HAP1: variants seen among roughly 807,000 people sequenced by gnomAD.
The protein encoded by HAP1 is huntingtin associated protein 1.
In HAP1, 59 loss-of-function variants were observed where a neutral mutation model predicts 60.3. That is an observed-to-expected ratio of 0.98 (90% confidence interval 0.79 to 1.22). The LOEUF (loss-of-function observed/expected upper bound fraction) is 1.22, where lower values mean the gene tolerates loss of function less well. HAP1 is among the 50% of genes most tolerant of loss of function. HAP1 has a pLI of 0.00. For synonymous variants in HAP1, 346 were observed against 330.6 expected, an observed-to-expected ratio of 1.05 and a Z score of -0.50; for missense variants, 825 against 785.3, an observed-to-expected ratio of 1.05 and a Z score of -0.60.
Position 41,727,774 on chromosome 17 carries a change from C to T in HAP1, c.1263G>A (p.Gln421=), listed in dbSNP as rs568942976. 151 of 1,610,008 alleles carry T rather than the reference C, an allele frequency of 9.4e-5. 2 individuals carry two copies. The East Asian group carries it at 3.3e-3, about 35-fold the overall frequency. The part of the protein sequence containing the change: ...QLASEKEIQM[Q]LQEEETLPGF... ...CAGCGAGACTCACCTCTTCCTGGAG[C>T]TGCATCTGGATTTCCTTCTCCGAAG... is the stretch of plus-strand genomic sequence containing the variant. The change falls in exon 8 of 11, where the codon CAG becomes CAA. Residue 421 remains glutamine (Q), a synonymous_variant. Coordinates refer to ENST00000347901, the MANE Select transcript of HAP1 (RefSeq NM_177977.3).
At chr17:41,730,459 G>A (rs1018811487) in intron 6 of HAP1, 1 of 152,208 alleles carries the variant, frequency 6.6e-6, no homozygotes, top group Non-Finnish European at 1.5e-5. Flanking sequence ...TCCTGGTAGG[G>A]CGCGAGTAGA....
intron 5 of HAP1, 33 bp downstream of exon 5, chr17:41,731,605 G>A (rs781884413): frequency 6.2e-7 from 1 of 1,601,904 alleles, no homozygotes; most frequent in African/African-American, 1.3e-5. Context: ...AACACCCCCT[G>A]CTAGCAGGGA....
downstream of HAP1, among the ~76,000 whole-genome samples, chr17:41,718,991 T>G (rs1911091246): frequency 6.6e-6 from 1 of 150,640 alleles, no homozygotes; most frequent in Admixed American, 6.6e-5. Flanking sequence ...TGTATTTTAT[T>G]TTTTTGAGAC....
Position 41,734,363 on chromosome 17 carries a change from C to A in HAP1, c.272G>T (p.Gly91Val). The change falls in exon 1 of 11, where the codon GGG becomes GTG. Residue 91 changes from glycine to valine, a missense_variant. Gly to Val is a moderately radical substitution (Grantham distance 109, BLOSUM62 -3). Coordinates refer to ENST00000347901, the MANE Select transcript of HAP1 (RefSeq NM_177977.3). Reference sequence around the variant, plus strand: ...ATTGTCGGGCATAGACCGGACATCCCCTTGGATGGCCGAGAATGCGGACGG... The same window carrying A: ...ATTGTCGGGCATAGACCGGACATCCACTTGGATGGCCGAGAATGCGGACGG... ...RRPSAFSAIQ[G>V]DVRSMPDNSD... 1 of 1,607,354 alleles carries A rather than the reference C, an allele frequency of 6.2e-7. No individual in the cohort carries two copies. Among genetic ancestry groups the A allele is most frequent in the Non-Finnish European group, 8.5e-7 (1 of 1,175,662 alleles).
At position 41,727,835 on chromosome 17, in the gene HAP1, TACTGGAAGGACC is replaced by T. The variant is rs1219570182; in HGVS notation, c.1201-11_1201del. The T allele has an allele frequency of 6.3e-7, 1 of 1,599,448 alleles. No homozygotes were observed. The highest frequency in any genetic ancestry group is 1.3e-5 in the African/African-American group (1 of 74,756). On this transcript the variant is annotated splice_acceptor_variant and splice_polypyrimidine_tract_variant and coding_sequence_variant and intron_variant, in exon 8 of 11. Transcript: ENST00000347901. LOFTEE classifies it high-confidence loss of function. Reference sequence around the variant, plus strand: ...CTGCAACTTTTCAGTCTCAGCCCCATACTGGAAGGACCCAAAACCAGTGAACCCCCATCTGAG... The same window carrying T: ...CTGCAACTTTTCAGTCTCAGCCCCATCAAAACCAGTGAACCCCCATCTGAG...
intron 10 of HAP1, 80 bp downstream of exon 10, chr17:41,725,779 G>T: frequency 1.9e-6 from 2 of 1,038,534 alleles, no homozygotes; most frequent in Non-Finnish European, 3.1e-6. Context: ...GAGTTGCAGG[G>T]TGGCAGAACC....
At position 41,725,893 on chromosome 17, in the gene HAP1, A is replaced by T; in HGVS notation, c.1372T>A (p.Tyr458Asn). 6.2e-7 allele frequency: 1 copy of T among 1,611,828 alleles called. No homozygotes were observed. The highest frequency in any genetic ancestry group is 8.5e-7 in the Non-Finnish European group (1 of 1,177,916). ...SDPVYFMERN[Y>N]EMPRGDTSSL... ...GATGTGTCCCCTCTGGGCATCTCAT[A>T]ATTCCTTCAAAGAGAAAAGGACCTT... Residue 458 changes from tyrosine (Y) to asparagine (N), a missense_variant, in exon 10 of 11, where the codon TAT becomes AAT. Transcript: ENST00000347901.
At chr17:41,725,707 G>A (rs894396745) in intron 10 of HAP1, 152 bp downstream of exon 10, 1 of 675,332 alleles carries the variant, frequency 1.5e-6, no homozygotes, top group African/African-American at 1.8e-5. Context: ...AAGGAAAAGT[G>A]GGGCAGCTCC....
In HAP1 at chr17:41,723,662, G is replaced by C. The variant is rs1179512341; in HGVS notation, c.*1039C>G. On this transcript the variant is annotated 3_prime_UTR_variant, in exon 11 of 11. Transcript: ENST00000347901. Reference sequence around the variant, plus strand: ...GAAAGTCGCCATTGATAATTATGCAGGTTGCCCCCTGCATGCGCCATAAAG... The same window carrying C: ...GAAAGTCGCCATTGATAATTATGCACGTTGCCCCCTGCATGCGCCATAAAG... 3.3e-5 allele frequency: 5 copies of C among 152,702 alleles called. No homozygotes were observed. The highest frequency in any genetic ancestry group is 1.2e-4 in the African/African-American group (5 of 41,446). The allele number at this position is 152,702 out of a possible 1,614,324, so 9.5% of individuals were successfully genotyped here. A position where few individuals can be genotyped will look rare whatever the true frequency, so the allele number is the denominator to read the frequency against.
intron 1 of HAP1, 110 bp downstream of exon 1, chr17:41,734,056 G>T: frequency 1.2e-6 from 1 of 811,070 alleles, no homozygotes; most frequent in Non-Finnish European, 1.9e-6. Context: ...GTGGTGGACG[G>T]GTGACACTGA....
At chr17:41,719,746 T>C (rs1555586669), downstream of HAP1, among the ~76,000 whole-genome samples, 2 of 151,742 alleles carry the variant, frequency 1.3e-5, no homozygotes, top group African/African-American at 4.8e-5. Context: ...AAATAAATGA[T>C]CAACATTGTG....
rs1911703423 is a variant in HAP1, at chr17:41,727,092, A to C, written c.1328T>G (p.Leu443Arg). The part of the protein sequence containing the change: ...ETLAEELRTS[L>R]RRMISDPVYF... The stretch of plus-strand genomic sequence containing the variant: ...CACAGGGTCTGAGATCATCCTCCTT[A>C]GAGACGTTCTGAGCTCCTCAGCCAG... Residue 443 changes from leucine to arginine, a missense_variant, in exon 9 of 11, where the codon CTA becomes CGA. Leu to Arg is a moderately radical substitution (Grantham distance 102). Coordinates refer to ENST00000347901, the MANE Select transcript of HAP1 (RefSeq NM_177977.3). 1 of 1,590,862 alleles carries C rather than the reference A, an allele frequency of 6.3e-7. No homozygotes were observed. Among genetic ancestry groups the C allele is most frequent in the African/African-American group, 1.3e-5 (1 of 74,668 alleles).
downstream of HAP1, chr17:41,718,006 C>G (rs2143150291): frequency 4.3e-6 from 2 of 469,806 alleles, no homozygotes; most frequent in Non-Finnish European, 8.9e-6. Flanking sequence ...CTCTACCCAT[C>G]TTAGGTCCTC....
chr17:41,731,536 C>G lies in HAP1; in HGVS notation c.1026G>C (p.Glu342Asp). 6.2e-7 allele frequency: 1 copy of G among 1,613,086 alleles called. No homozygotes were observed. The highest frequency in any genetic ancestry group is 8.5e-7 in the Non-Finnish European group (1 of 1,179,010). Residue 342 changes from glutamate to aspartate, a missense_variant, in exon 6 of 11, where the codon GAG (glutamate) becomes GAC (aspartate). Coordinates refer to ENST00000347901, the MANE Select transcript of HAP1 (RefSeq NM_177977.3). ...REEASQLDTL[E>D]DEEQMLILEC... The stretch of plus-strand genomic sequence containing the variant: ...CCAGAATGAGCATCTGTTCCTCATC[C>G]TCAAGAGTGTCGAGTTGAGAGGCCT...
Position 41,731,482 on chromosome 17 carries a change from A to G in HAP1, c.1069+11T>C, listed in dbSNP as rs1555590834. On this transcript the variant is annotated intron_variant, in intron 6 of 10. Transcript: ENST00000347901. ...GGACAACCCCCCACCCCGAGTGACA[A>G]CATTACGTACAAAACTGCTCCACAC... 1 of 1,589,762 alleles carries G rather than the reference A, an allele frequency of 6.3e-7. No individual in the cohort carries two copies. Among genetic ancestry groups the G allele is most frequent in the Admixed American group, 1.7e-5 (1 of 59,982 alleles).
intron 1 of HAP1, among the ~76,000 whole-genome samples, chr17:41,733,392 T>A (rs1912421207): frequency 9.4e-6 from 1 of 106,174 alleles, no homozygotes; most frequent in Non-Finnish European, 1.8e-5. Context: ...TGGAGGAGCC[T>A]GAGGTAAGGG....
chr17:41,730,884 A>G (rs1912140545), intron 6 of HAP1, among the ~76,000 whole-genome samples: 1 of 151,164 alleles, frequency 6.6e-6, no homozygotes, highest in Non-Finnish European at 1.5e-5. Context: ...CCTGCCCCAA[A>G]TAAGAGAAGA....
At chr17:41,728,772 T>C (rs1021437056) in intron 6 of HAP1, among the ~76,000 whole-genome samples, 3 of 152,032 alleles carry the variant, frequency 2.0e-5, no homozygotes, top group Non-Finnish European at 4.4e-5. Context: ...GGGTCCAAGC[T>C]GACTGGAAAG....
chr17:41,725,052 C>T lies in HAP1; in HGVS notation c.1509G>A (p.Thr503=), dbSNP rs782272213. 9.3e-6 allele frequency: 15 copies of T among 1,612,348 alleles called. No individual in the cohort carries two copies. Among genetic ancestry groups the T allele is most frequent in the South Asian group, 7.7e-5 (7 of 90,994 alleles). Reference sequence around the variant, plus strand: ...CCTGGGGCACGAACTCCTCCGCAGGCGTGAAATCTTCCCCCCGCATGATAT... The same window carrying T: ...CCTGGGGCACGAACTCCTCCGCAGGTGTGAAATCTTCCCCCCGCATGATAT... ...AADIMRGEDF[T]PAEEFVPQEE... is the part of the protein sequence containing the mutation. Residue 503 remains threonine, a synonymous_variant, in exon 11 of 11, where the codon ACG becomes ACA. Transcript: ENST00000347901.
Sources: gnomAD v4.1 joint callset for allele counts (sites outside exome capture counted in the v4.1 genomes callset) on GRCh38, gnomAD v4.1.1 for gene constraint, MANE v1.5 for transcripts, NCBI Gene and HGNC (gene_info 2026-07-23, HGNC 2026-07-21) for gene names.